The following C16orf96 variants were observed in gnomAD, a reference collection of about 807,000 sequenced individuals.
C16orf96 encodes chromosome 16 open reading frame 96, also known as uncharacterized protein C16orf96.
C16orf96 carries 108 observed loss-of-function variants against 103.6 expected under a neutral mutation model. The observed-to-expected ratio is 1.04, with a 90% CI of 0.89 to 1.22. The LOEUF (loss-of-function observed/expected upper bound fraction) is 1.22, where lower values mean the gene tolerates loss of function less well. Ranked by LOEUF, C16orf96 falls within the 50% of genes most tolerant of loss-of-function variation. The pLI is 0.00. For synonymous variants in C16orf96, 566 were observed against 593.5 expected (o/e 0.95, Z 0.67); for missense variants, 1,586 against 1,464.2 (o/e 1.08, Z -1.36).
Position 4,575,320 on chromosome 16 carries a change from C to T in C16orf96, c.840C>T (p.Val280=). ...AAAACCCCCAGCTACTGCAGACTGT[C>T]TGGCATTATGAGGTCCCAGAGCTCC... ...PVQNPQLLQT[V]WHYEVPELLP... is the part of the protein sequence containing the mutation. Residue 280 remains valine, a synonymous_variant, in exon 5 of 16, where the codon GTC becomes GTT. Transcript: ENST00000444310. 6.4e-7 allele frequency: 1 copy of T among 1,551,348 alleles called. No homozygotes were observed. Among genetic ancestry groups the T allele is most frequent in the Non-Finnish European group, 8.7e-7 (1 of 1,147,002 alleles).
At chr16:4,542,862 CTTTATA>C in the C16orf96 span, among the ~76,000 whole-genome samples, 3 of 152,054 alleles carry the variant, frequency 2.0e-5, no homozygotes, top group African/African-American at 7.2e-5. Flanking sequence ...GCAGTGTGTA[CTTTATA>C]TTTACAGGAC....
At position 4,591,793 on chromosome 16, in the gene C16orf96, C is replaced by T. The variant is rs1197397433; in HGVS notation, c.2711+9C>T. 8.0e-6 allele frequency: 12 copies of T among 1,496,924 alleles called. No homozygotes were observed. The highest frequency in any genetic ancestry group is 1.1e-5 in the Non-Finnish European group (12 of 1,116,792). The allele number at this position is 1,496,924 out of a possible 1,614,324, so 92.7% of individuals were successfully genotyped here. ...GCTGCTGGCTTTAGGAGGTGAGTGC[C>T]CGCCCGAGCCCCTCCTGGTAGGGGT... On this transcript the variant is annotated intron_variant, in intron 10 of 15. Transcript: ENST00000444310.
chr16:4,559,896 G>A (rs999983890), intron 1 of C16orf96: 1 of 152,228 alleles, frequency 6.6e-6, no homozygotes, highest in Non-Finnish European at 1.5e-5. Context: ...CAGAGGCTCA[G>A]GAAGGGGGGA....
intron 1 of C16orf96, among the ~76,000 whole-genome samples, chr16:4,568,631 T>TTG (rs1246353558): frequency 3.3e-4 from 47 of 141,514 alleles, no homozygotes; most frequent in African/African-American, 1.3e-3. Context: ...TCTTTTTAAT[T>TTG]TTTTTTTTTT....
intron 1 of C16orf96, among the ~76,000 whole-genome samples, chr16:4,566,386 G>T (rs1032515491): frequency 6.6e-6 from 1 of 152,138 alleles, no homozygotes; most frequent in Admixed American, 6.5e-5. Context: ...GTTTGAAGTG[G>T]TATCTCATTG....
chr16:4,587,164 C>G, intron 8 of C16orf96, 51 bp downstream of exon 8: 1 of 1,470,218 alleles, frequency 6.8e-7, no homozygotes. Context: ...CCCAGGGAAA[C>G]GGCACCATCC....
chr16:4,575,624 C>A lies in C16orf96; in HGVS notation c.1144C>A (p.Pro382Thr), dbSNP rs537323998. 2.0e-6 allele frequency: 3 copies of A among 1,525,296 alleles called. No individual in the cohort carries two copies. The highest frequency in any genetic ancestry group is 2.6e-6 in the Non-Finnish European group (3 of 1,135,526). The allele number at this position is 1,525,296 out of a possible 1,614,324, so 94.5% of individuals were successfully genotyped here. ...PVPAPGAQPP[P>T]LGDWPALPRR... ...GCCTGCCCCAGGTGCCCAGCCTCCA[C>A]CACTGGGAGACTGGCCTGCACTCCC... The change falls in exon 5 of 16, where the codon CCA (proline) becomes ACA (threonine). Residue 382 changes from proline (P) to threonine (T), a missense_variant. By Grantham distance (38) the Pro-to-Thr change is conservative. Transcript: ENST00000444310.
rs1897262878 is a variant in C16orf96 at position 4,600,519 on chromosome 16, A to C, written c.*202A>C. ...CCCCCATCCCTACCAAGTCCCCTCC[A>C]CGTCCGAGGCTGAGACCCATATGCC... On this transcript the variant is annotated 3_prime_UTR_variant, in exon 16 of 16. Coordinates refer to ENST00000444310, the MANE Select transcript of C16orf96 (RefSeq NM_001145011.2). The C allele has an allele frequency of 5.0e-6, 2 of 399,052 alleles. No homozygotes were observed. Among genetic ancestry groups the C allele is most frequent in the African/African-American group, 4.4e-5 (1 of 22,634 alleles). The allele number at this position is 399,052 out of a possible 1,614,324, so 24.7% of individuals were successfully genotyped here. A position where few individuals can be genotyped will look rare whatever the true frequency, so the allele number is the denominator to read the frequency against.
chr16:4,551,568 C>CA (rs201072083), upstream of C16orf96, among the ~76,000 whole-genome samples: 978 of 152,266 alleles, frequency 6.4e-3, 8 homozygotes, highest in African/African-American at 0.022. Flanking sequence ...TCTCTTGCCT[C>CA]AGCCTCCCCA....
chr16:4,588,426 C>T, intron 9 of C16orf96, 95 bp downstream of exon 9: 2 of 1,403,618 alleles, frequency 1.4e-6, no homozygotes, highest in Non-Finnish European at 1.9e-6. Context: ...TTAGGAGGAG[C>T]AAGAATTTGG....
chr16:4,557,341 G>A (rs567390774), intron 1 of C16orf96, among the ~76,000 whole-genome samples: 1 of 152,204 alleles, frequency 6.6e-6, no homozygotes, highest in Non-Finnish European at 1.5e-5. Context: ...GAAGAAGGGT[G>A]CTTTAGAGTC....
chr16:4,589,794 T>G (rs191347945), intron 9 of C16orf96, among the ~76,000 whole-genome samples: 3 of 152,202 alleles, frequency 2.0e-5, no homozygotes, highest in Admixed American at 6.5e-5. Flanking sequence ...CTCAAATATT[T>G]ATTAGTGAAA....
chr16:4,592,942 T>C (rs545924159), intron 11 of C16orf96, among the ~76,000 whole-genome samples: 1 of 152,350 alleles, frequency 6.6e-6, no homozygotes, highest in South Asian at 2.1e-4. Flanking sequence ...CCCAAAGTGC[T>C]GGGATCATAG....
rs763934065 is a variant in C16orf96 at position 4,592,310 on chromosome 16, T to C, written c.2717T>C (p.Leu906Pro). The C allele has an allele frequency of 3.4e-5, 53 of 1,551,530 alleles. No individual in the cohort carries two copies. Among genetic ancestry groups the C allele is most frequent in the African/African-American group, 6.8e-5 (5 of 73,052 alleles). ...GATGATCATGTGCCTTTCAGGAAGC[T>C]GTTCAAGCGCGTGAAGTGCATCTCC... is the stretch of plus-strand genomic sequence containing the variant. The part of the protein sequence containing the change: ...PDSAAGFRRK[L>P]FKRVKCISCD... Residue 906 changes from leucine to proline, a missense_variant, in exon 11 of 16, where the codon CTG becomes CCG. By Grantham distance (98) the Leu-to-Pro change is moderately conservative (BLOSUM62 -3). Transcript: ENST00000444310.
upstream of C16orf96, among the ~76,000 whole-genome samples, chr16:4,554,830 C>G (rs113469687): frequency 8.0e-3 from 1,206 of 151,354 alleles, 12 homozygotes; most frequent in Admixed American, 0.017. Flanking sequence ...TTTGTTTCAT[C>G]ATGTTGGCCA....
intron 11 of C16orf96, among the ~76,000 whole-genome samples, chr16:4,592,887 C>T (rs997158405): frequency 2.6e-5 from 4 of 152,304 alleles, no homozygotes; most frequent in Admixed American, 6.5e-5. Context: ...GTTGGCAAGG[C>T]TGGTCTCAAA....
At chr16:4,582,143 A>G (rs2059595664) in intron 7 of C16orf96, among the ~76,000 whole-genome samples, 1 of 151,650 alleles carries the variant, frequency 6.6e-6, no homozygotes, top group Admixed American at 6.6e-5. Context: ...TTAGCCGGGC[A>G]TGGTGGCGGA....
chr16:4,570,950 C>T (rs558784843), intron 1 of C16orf96, among the ~76,000 whole-genome samples: 3 of 152,104 alleles, frequency 2.0e-5, no homozygotes, highest in South Asian at 2.1e-4. Context: ...GGGCAGATTG[C>T]TTGAGCTCAG....
intron 5 of C16orf96, among the ~76,000 whole-genome samples, chr16:4,577,602 G>T: frequency 6.6e-6 from 1 of 150,790 alleles, no homozygotes; most frequent in Non-Finnish European, 1.5e-5. Context: ...AGTGAGCCGA[G>T]ATCGTGCCAC....
Sources: allele counts gnomAD v4.1 joint callset (sites outside exome capture counted in the v4.1 genomes callset), GRCh38; gene constraint gnomAD v4.1.1; transcripts MANE v1.5; gene names NCBI Gene and HGNC (gene_info 2026-07-23, HGNC 2026-07-21).